The following GALNT13 variants were observed in gnomAD, a reference collection of about 807,000 sequenced individuals.
GALNT13 encodes the protein UDP-GalNAc:polypeptide N-acetylgalactosaminyltransferase 13.
In GALNT13, 28 loss-of-function variants were observed where a neutral mutation model predicts 64.2. The ratio of observed to expected loss-of-function variants is 0.44; its 90% confidence interval spans 0.32 to 0.60. The LOEUF (loss-of-function observed/expected upper bound fraction) is 0.60, where lower values mean the gene tolerates loss of function less well. GALNT13 is among the 20% of genes least tolerant of loss of function. GALNT13 has a pLI of 0.05. For synonymous variants in GALNT13, 214 were observed against 224.6 expected, an observed-to-expected ratio of 0.95 and a Z score of 0.42; for missense variants, 577 against 669.8, an observed-to-expected ratio of 0.86 and a Z score of 1.53.
At chr2:153,729,751 A>C in the GALNT13 span, among the ~76,000 whole-genome samples, 1 of 152,164 alleles carries the variant, frequency 6.6e-6, no homozygotes, top group African/African-American at 2.4e-5. Context: ...CCAAAAGATA[A>C]CTAGATGTGA....
the GALNT13 span, among the ~76,000 whole-genome samples, chr2:153,669,925 G>A: frequency 2.0e-5 from 3 of 149,552 alleles, no homozygotes; most frequent in African/African-American, 4.9e-5. Flanking sequence ...CTGCTAGTGC[G>A]GCAGTCTGAC....
chr2:153,189,473 A>G, the GALNT13 span, among the ~76,000 whole-genome samples: 1 of 152,124 alleles, frequency 6.6e-6, no homozygotes, highest in Non-Finnish European at 1.5e-5. Context: ...ATGTAAATAA[A>G]CCACATTTTC....
chr2:153,376,850 C>T, the GALNT13 span, among the ~76,000 whole-genome samples: 1 of 152,142 alleles, frequency 6.6e-6, no homozygotes, highest in Admixed American at 6.5e-5. Flanking sequence ...TCTTCATGGA[C>T]ATACATTAGG....
At chr2:153,748,400 G>A in the GALNT13 span, among the ~76,000 whole-genome samples, 1 of 152,102 alleles carries the variant, frequency 6.6e-6, no homozygotes, top group Non-Finnish European at 1.5e-5. Flanking sequence ...CACTGAAAGT[G>A]TACAAGAGTT....
the GALNT13 span, among the ~76,000 whole-genome samples, chr2:153,807,041 T>A: frequency 6.6e-6 from 1 of 152,048 alleles, no homozygotes; most frequent in Non-Finnish European, 1.5e-5. Flanking sequence ...TAGCTGGCAA[T>A]GTTCTTTATC....
chr2:153,981,245 G>GTT (rs1373701301), intron 3 of GALNT13, among the ~76,000 whole-genome samples: 3 of 151,748 alleles, frequency 2.0e-5, no homozygotes, highest in South Asian at 2.1e-4. Flanking sequence ...TAAGTTCTAG[G>GTT]GTATATATAT....
chr2:153,700,964 A>G, the GALNT13 span, among the ~76,000 whole-genome samples: 28 of 152,298 alleles, frequency 1.8e-4, no homozygotes, highest in African/African-American at 6.3e-4. Flanking sequence ...ACTGCCATTG[A>G]CATGCTTAAC....
At chr2:153,691,034 A>G in the GALNT13 span, among the ~76,000 whole-genome samples, 29 of 152,176 alleles carry the variant, frequency 1.9e-4, no homozygotes, top group South Asian at 1.5e-3. Flanking sequence ...GCACTTGTAA[A>G]CCAGCCCTGA....
intron 12 of GALNT13, among the ~76,000 whole-genome samples, chr2:154,439,300 T>C (rs1397014405): frequency 6.6e-6 from 1 of 152,156 alleles, no homozygotes; most frequent in Non-Finnish European, 1.5e-5. Context: ...AAAATTACTG[T>C]TGGAAATTTA....
At chr2:153,759,322 G>A in the GALNT13 span, among the ~76,000 whole-genome samples, 5 of 152,070 alleles carry the variant, frequency 3.3e-5, no homozygotes, top group Admixed American at 6.6e-5. Context: ...GGCAAGGAGC[G>A]CTATAGTCAC....
intron 8 of GALNT13, among the ~76,000 whole-genome samples, chr2:154,273,743 A>T (rs1482700038): frequency 6.6e-6 from 1 of 152,190 alleles, no homozygotes; most frequent in Non-Finnish European, 1.5e-5. Flanking sequence ...AACATTCTGT[A>T]ATGTTCACAT....
intron 4 of GALNT13, among the ~76,000 whole-genome samples, chr2:154,166,267 T>G (rs1216742730): frequency 6.6e-5 from 10 of 152,118 alleles, no homozygotes; most frequent in Non-Finnish European, 1.2e-4. Flanking sequence ...TAGCTCAGTG[T>G]GGTGGCATGT....
At chr2:153,368,267 C>T in the GALNT13 span, among the ~76,000 whole-genome samples, 1 of 152,062 alleles carries the variant, frequency 6.6e-6, no homozygotes, top group African/African-American at 2.4e-5. Context: ...TGAGTGAAAT[C>T]TTCATGATGG....
At chr2:154,335,961 G>A (rs1298771041) in intron 9 of GALNT13, among the ~76,000 whole-genome samples, 3 of 151,666 alleles carry the variant, frequency 2.0e-5, no homozygotes, top group Admixed American at 2.0e-4. Context: ...TTACACCTTA[G>A]GTATTTACTT....
chr2:153,202,827 T>G, the GALNT13 span, among the ~76,000 whole-genome samples: 2 of 152,224 alleles, frequency 1.3e-5, no homozygotes, highest in African/African-American at 4.8e-5. Flanking sequence ...TTTCTACCAG[T>G]TAATTCAAAA....
chr2:154,167,499 AG>A (rs1685099351), intron 4 of GALNT13, among the ~76,000 whole-genome samples: 1 of 152,188 alleles, frequency 6.6e-6, no homozygotes, highest in South Asian at 2.1e-4. Context: ...ACAAGCTTTT[AG>A]GAGTGATCAC....
At chr2:153,722,680 G>A in the GALNT13 span, among the ~76,000 whole-genome samples, 2 of 152,282 alleles carry the variant, frequency 1.3e-5, no homozygotes, top group South Asian at 2.1e-4. Context: ...AAACACCTCT[G>A]TGCAAATAAA....
chr2:153,248,542 T>C, the GALNT13 span, among the ~76,000 whole-genome samples: 1 of 151,272 alleles, frequency 6.6e-6, no homozygotes, highest in Non-Finnish European at 1.5e-5. Context: ...CGGCCGGGCG[T>C]GGTGGCTCAG....
At chr2:153,631,242 G>C in the GALNT13 span, among the ~76,000 whole-genome samples, 532 of 152,176 alleles carry the variant, frequency 3.5e-3, 5 homozygotes, top group African/African-American at 0.012. Context: ...CCAAGTCTTT[G>C]CTATTGTGAA....
Sources: allele counts gnomAD v4.1 joint callset (sites outside exome capture counted in the v4.1 genomes callset), GRCh38; gene constraint gnomAD v4.1.1; transcripts MANE v1.5; gene names NCBI Gene and HGNC (gene_info 2026-07-23, HGNC 2026-07-21).